TM4SF18: variants seen among roughly 807,000 people sequenced by gnomAD.
TM4SF18 encodes the protein transmembrane 4 L6 family member 18.
Under a neutral mutation model 23.8 loss-of-function variants are expected in TM4SF18, and 22 were observed. The observed-to-expected ratio is 0.92, with a 90% confidence interval of 0.66 to 1.32. TM4SF18 has a LOEUF of 1.32. Among genes scored for constraint, TM4SF18 ranks in the 40% most tolerant of loss-of-function variants. The probability of loss-of-function intolerance (pLI) is 0.00; values close to 1 mark genes in which losing one functional copy is unlikely to be tolerated. For missense variants in TM4SF18, 255 were observed against 240.3 expected, an observed-to-expected ratio of 1.06 and a Z score of -0.41; for synonymous variants, 87 against 87.9, an observed-to-expected ratio of 0.99 and a Z score of 0.06.
At position 149,330,294 on chromosome 3, in the gene TM4SF18, C is replaced by T. The variant is rs148027356; in HGVS notation, c.267+36G>A. 3,321 of 1,420,354 alleles carry T rather than the reference C, an allele frequency of 2.3e-3. 15 individuals carry two copies. The highest frequency in any genetic ancestry group is 5.3e-3 in the Middle Eastern group (30 of 5,638). 88.0% of individuals were successfully genotyped at this position (1,420,354 alleles called of 1,614,324 possible). A position where few individuals can be genotyped will look rare whatever the true frequency, so the allele number is the denominator to read the frequency against. ...GAGTGAGAGGAAAGAAAGCTGGAGC[C>T]CACTCAACCATCCTCAAAAAAACTG... On this transcript the variant is annotated intron_variant, in intron 3 of 5. Transcript: ENST00000296059.
intron 4 of TM4SF18, 170 bp downstream of exon 4, chr3:149,324,710 A>T (rs1196791121): frequency 9.1e-6 from 7 of 770,858 alleles, no homozygotes; most frequent in Non-Finnish European, 1.4e-5. Flanking sequence ...CTAAACAAAG[A>T]TCTGTGCAAG....
chr3:149,325,052 C>T (rs1207138403), intron 3 of TM4SF18, 30 bp from the exon 4 acceptor site: 1 of 1,605,272 alleles, frequency 6.2e-7, no homozygotes, highest in Non-Finnish European at 8.5e-7. Flanking sequence ...CAGGTTAGTA[C>T]CATAGAATGC....
At chr3:149,330,934 A>G (rs1330981480) in intron 2 of TM4SF18, among the ~76,000 whole-genome samples, 1 of 152,190 alleles carries the variant, frequency 6.6e-6, no homozygotes, top group African/African-American at 2.4e-5. Context: ...CATTCAAACC[A>G]TCTCAGGTTT....
At chr3:149,322,173 A>C (rs1730821038) in intron 5 of TM4SF18, 83 bp downstream of exon 5, 1 of 1,202,404 alleles carries the variant, frequency 8.3e-7, no homozygotes, top group Non-Finnish European at 1.2e-6. Flanking sequence ...ATGGAATTCT[A>C]GAGTCTTTTC....
rs779510670 is a variant in TM4SF18 at position 149,333,280 on chromosome 3, T to C, written c.103A>G (p.Thr35Ala). 1.3e-5 allele frequency: 21 copies of C among 1,613,842 alleles called. No individual in the cohort carries two copies. The East Asian group carries it at 3.8e-4, about 29-fold the overall frequency. The part of the protein sequence containing the change: ...NILLYFPNGQ[T>A]SYASSNKLTN... The stretch of plus-strand genomic sequence containing the variant: ...AGTTTATTGCTGGATGCATAGGAAG[T>C]TTGCCCATTCGGGAAATACAATAAT... Residue 35 changes from threonine to alanine, a missense_variant, in exon 2 of 6, where the codon ACT becomes GCT. Thr to Ala is a moderately conservative substitution (Grantham distance 58). Coordinates refer to ENST00000296059, the MANE Select transcript of TM4SF18 (RefSeq NM_138786.4).
Position 149,324,882 on chromosome 3 carries a change from T to C in TM4SF18, c.408A>G (p.Gly136=), listed in dbSNP as rs777995316. ...GWEYAFEGTA[G]RFLTDSSIWI... ...TGGTTTGGGGAATTATTCCTTACCG[T>C]CCAGCAGTGCCTTCAAAAGCATACT... Residue 136 remains glycine, a splice_region_variant and synonymous_variant, in exon 4 of 6, where the codon GGA becomes GGG. Coordinates refer to ENST00000296059, the MANE Select transcript of TM4SF18 (RefSeq NM_138786.4). 12 of 1,613,970 alleles carry C rather than the reference T, an allele frequency of 7.4e-6. No homozygotes were observed. The highest frequency in any genetic ancestry group is 1.0e-5 in the Non-Finnish European group (12 of 1,180,010).
rs1730804810 is a variant in TM4SF18 at position 149,321,451 on chromosome 3, T to C, written c.*27A>G. On this transcript the variant is annotated 3_prime_UTR_variant, in exon 6 of 6. Transcript: ENST00000296059. ...AATATTTAGATAGATGGCCATGTCT[T>C]GATAATGGAAAACATTTTGTCCTTA... The C allele has an allele frequency of 1.3e-6, 2 of 1,541,796 alleles. No homozygotes were observed. The highest frequency in any genetic ancestry group is 1.4e-5 in the African/African-American group (1 of 72,816).
intron 2 of TM4SF18, among the ~76,000 whole-genome samples, chr3:149,330,866 T>C (rs1236697731): frequency 6.6e-6 from 1 of 152,162 alleles, no homozygotes; most frequent in Non-Finnish European, 1.5e-5. Flanking sequence ...GGAATGGAGG[T>C]GAGAGGCTCA....
At chr3:149,324,166 C>T (rs1576831312) in intron 4 of TM4SF18, among the ~76,000 whole-genome samples, 1 of 152,178 alleles carries the variant, frequency 6.6e-6, no homozygotes, top group Non-Finnish European at 1.5e-5. Flanking sequence ...ACCTCCTAAT[C>T]TGCATCTGGT....
intron 5 of TM4SF18, 25 bp from the exon 6 acceptor site, chr3:149,321,517 G>C (rs915904752): frequency 6.5e-7 from 1 of 1,543,658 alleles, no homozygotes; most frequent in African/African-American, 1.4e-5. Context: ...GAAAAACAAA[G>C]TGATTAAAGT....
Position 149,318,627 on chromosome 3 carries a change from T to C in TM4SF18, c.*2851A>G, listed in dbSNP as rs886099003. 1.3e-5 allele frequency: 2 copies of C among 152,198 alleles called. No homozygotes were observed. Among genetic ancestry groups the C allele is most frequent in the African/African-American group, 4.8e-5 (2 of 41,446 alleles). 9.4% of individuals were successfully genotyped at this position (152,198 alleles called of 1,614,324 possible). The stretch of plus-strand genomic sequence containing the variant: ...TTATAGTCCTATCATTAGGAGATAA[T>C]TATTAAGTATTAACTTGTGCGTACT... On this transcript the variant is annotated 3_prime_UTR_variant, in exon 6 of 6. Coordinates refer to ENST00000296059, the MANE Select transcript of TM4SF18 (RefSeq NM_138786.4).
chr3:149,328,295 G>A (rs965518371), intron 3 of TM4SF18, among the ~76,000 whole-genome samples: 3 of 152,152 alleles, frequency 2.0e-5, no homozygotes, highest in Non-Finnish European at 4.4e-5. Context: ...CTCGCATGGT[G>A]CAAGGGAGGT....
rs1730797094 is a variant in TM4SF18, at chr3:149,321,266, T to C, written c.*212A>G. 5.0e-6 allele frequency: 2 copies of C among 399,476 alleles called. No individual in the cohort carries two copies. The highest frequency in any genetic ancestry group is 7.5e-5 in the East Asian group (2 of 26,750). The allele number at this position is 399,476 out of a possible 1,614,324, so 24.7% of individuals were successfully genotyped here. On this transcript the variant is annotated 3_prime_UTR_variant, in exon 6 of 6. Coordinates refer to ENST00000296059, the MANE Select transcript of TM4SF18 (RefSeq NM_138786.4). Reference sequence around the variant, plus strand: ...GATTTGTTTGATCAAAGGGCAGAAGTATTTCTGAAGTTTCTGATGCATATT... The same window carrying C: ...GATTTGTTTGATCAAAGGGCAGAAGCATTTCTGAAGTTTCTGATGCATATT...
At chr3:149,323,046 G>A (rs902848312) in intron 4 of TM4SF18, among the ~76,000 whole-genome samples, 1 of 151,842 alleles carries the variant, frequency 6.6e-6, no homozygotes, top group African/African-American at 2.4e-5. Context: ...ACAGGCACCC[G>A]CCACCACGCC....
chr3:149,325,062 C>T (rs766927558), intron 3 of TM4SF18, 40 bp from the exon 4 acceptor site: 42 of 1,593,790 alleles, frequency 2.6e-5, no homozygotes, highest in East Asian at 9.2e-5. Context: ...CCATAGAATG[C>T]GACAAGGGGA....
chr3:149,328,934 T>C (rs1731016512), intron 3 of TM4SF18, among the ~76,000 whole-genome samples: 2 of 152,218 alleles, frequency 1.3e-5, no homozygotes, highest in Non-Finnish European at 2.9e-5. Flanking sequence ...TCAGACTATT[T>C]CTAGCATCTA....
Position 149,324,886 on chromosome 3 carries a change from G to A in TM4SF18, c.404C>T (p.Ala135Val). Reference protein sequence around the residue: ...DGWEYAFEGTAGRFLTDSSIW... With the variant: ...DGWEYAFEGTVGRFLTDSSIW... ...TTGGGGAATTATTCCTTACCGTCCAGCAGTGCCTTCAAAAGCATACTCCCA... is the reference window on the plus strand; with the variant it reads ...TTGGGGAATTATTCCTTACCGTCCAACAGTGCCTTCAAAAGCATACTCCCA... The change falls in exon 4 of 6, where the codon GCT (alanine) becomes GTT (valine). Residue 135 changes from alanine (A) to valine (V), a missense_variant. Physicochemically the swap from Ala to Val is moderately conservative, Grantham distance 64. Transcript: ENST00000296059. 6.2e-7 allele frequency: 1 copy of A among 1,614,116 alleles called. No homozygotes were observed. Among genetic ancestry groups the A allele is most frequent in the Non-Finnish European group, 8.5e-7 (1 of 1,180,008 alleles).
intron 4 of TM4SF18, among the ~76,000 whole-genome samples, chr3:149,323,860 T>C (rs948482454): frequency 6.6e-6 from 1 of 152,140 alleles, no homozygotes; most frequent in African/African-American, 2.4e-5. Context: ...AGCCTATAAA[T>C]GGATATGCAA....
chr3:149,332,331 T>C (rs1248385365), intron 2 of TM4SF18, among the ~76,000 whole-genome samples: 3 of 152,228 alleles, frequency 2.0e-5, no homozygotes, highest in Non-Finnish European at 4.4e-5. Context: ...AATTTTCTTC[T>C]ACATTATTGG....
Sources: gnomAD v4.1 joint callset for allele counts (sites outside exome capture counted in the v4.1 genomes callset) on GRCh38, gnomAD v4.1.1 for gene constraint, MANE v1.5 for transcripts, NCBI Gene and HGNC (gene_info 2026-07-23, HGNC 2026-07-21) for gene names.